Variants in DISP1 observed in about 807,000 individuals in gnomAD.
The protein encoded by DISP1 is protein dispatched homolog 1.
DISP1 carries 30 observed loss-of-function variants against 37.3 expected under a neutral mutation model. The ratio of observed to expected loss-of-function variants is 0.80; its 90% confidence interval spans 0.60 to 1.09. DISP1 has a LOEUF of 1.09. Ranked by LOEUF, DISP1 falls within the 50% of genes least tolerant of loss-of-function variation. The pLI is 0.00. For missense variants in DISP1, 1,598 were observed against 1,879.5 expected, an observed-to-expected ratio of 0.85 and a Z score of 2.77; for synonymous variants, 634 against 690.2, an observed-to-expected ratio of 0.92 and a Z score of 1.28.
chr1:222,843,833 C>A (rs143568831), intron 1 of DISP1, among the ~76,000 whole-genome samples: 2 of 152,224 alleles, frequency 1.3e-5, no homozygotes, highest in Non-Finnish European at 2.9e-5. Flanking sequence ...AAACAGATAA[C>A]ATTCCACAGG....
chr1:222,959,148 A>G (rs902774639), intron 3 of DISP1, among the ~76,000 whole-genome samples: 2 of 152,220 alleles, frequency 1.3e-5, no homozygotes, highest in African/African-American at 2.4e-5. Flanking sequence ...CTGAGTATAA[A>G]GAATTTTTTA....
intron 1 of DISP1, among the ~76,000 whole-genome samples, chr1:222,918,816 G>A (rs1347616844): frequency 1.3e-5 from 2 of 152,202 alleles, no homozygotes; most frequent in Non-Finnish European, 2.9e-5. Flanking sequence ...GTTTTACCCC[G>A]GGGTAATTAA....
chr1:222,835,923 C>A (rs36133935), intron 1 of DISP1, among the ~76,000 whole-genome samples: 10,602 of 149,798 alleles, frequency 0.071, 484 homozygotes, highest in South Asian at 0.15. Flanking sequence ...TCACTGCACT[C>A]CAGCCTGGCA....
intron 1 of DISP1, among the ~76,000 whole-genome samples, chr1:222,911,653 G>A (rs996327765): frequency 6.6e-6 from 1 of 152,000 alleles, no homozygotes; most frequent in Non-Finnish European, 1.5e-5. Context: ...CCAAATAGCT[G>A]AGCCTATAAG....
chr1:222,903,602 G>A (rs1052696789), intron 1 of DISP1, among the ~76,000 whole-genome samples: 4 of 151,914 alleles, frequency 2.6e-5, no homozygotes, highest in Non-Finnish European at 5.9e-5. Flanking sequence ...CTTTCCCTTT[G>A]TGATGAGAGG....
At chr1:223,001,353 T>G (rs1245281067) in intron 8 of DISP1, among the ~76,000 whole-genome samples, 1 of 152,236 alleles carries the variant, frequency 6.6e-6, no homozygotes, top group Non-Finnish European at 1.5e-5. Context: ...CTTAGGCATT[T>G]ATTTTATTGT....
intron 8 of DISP1, among the ~76,000 whole-genome samples, chr1:222,999,121 C>G (rs993976291): frequency 1.1e-4 from 16 of 152,052 alleles, no homozygotes; most frequent in African/African-American, 3.9e-4. Flanking sequence ...TTCTTTTTCT[C>G]TCTTCTCTTA....
At chr1:222,996,068 C>A (rs1283050367) in intron 8 of DISP1, among the ~76,000 whole-genome samples, 1 of 152,172 alleles carries the variant, frequency 6.6e-6, no homozygotes, top group African/African-American at 2.4e-5. Context: ...AAATGACTTT[C>A]CAATCGACTG....
At chr1:222,936,749 T>TATATAATATATATA (rs1673800992) in intron 2 of DISP1, among the ~76,000 whole-genome samples, 1 of 73,004 alleles carries the variant, frequency 1.4e-5, no homozygotes, top group African/African-American at 5.2e-5. Flanking sequence ...TTATATATCA[T>TATATAATATATATA]ATATATGATA....
chr1:222,827,404 A>T (rs535719049), intron 1 of DISP1: 2 of 152,190 alleles, frequency 1.3e-5, no homozygotes, highest in Admixed American at 6.5e-5. Context: ...ATTGAATTAA[A>T]TTTTTCACTT....
chr1:222,848,607 C>T (rs187797330), intron 1 of DISP1, among the ~76,000 whole-genome samples: 122 of 152,216 alleles, frequency 8.0e-4, no homozygotes, highest in Non-Finnish European at 1.2e-3. Flanking sequence ...ATTGCAGGCT[C>T]TTTGAGGGCA....
In DISP1 at chr1:223,005,379, C is replaced by T; in HGVS notation, c.3982C>T (p.Pro1328Ser). 3 of 1,613,390 alleles carry T rather than the reference C, an allele frequency of 1.9e-6. No individual in the cohort carries two copies. Among genetic ancestry groups the T allele is most frequent in the Non-Finnish European group, 1.7e-6 (2 of 1,180,012 alleles). Residue 1328 changes from proline to serine, a missense_variant, in exon 9 of 9, where the codon CCC (proline) becomes TCC (serine). By Grantham distance (74) the Pro-to-Ser change is moderately conservative (BLOSUM62 -1). Transcript: ENST00000675850. ...THQAVEGFVH[P>S]ITHIHHCPCL... ...CCAAGCTGTCGAGGGCTTTGTGCAC[C>T]CCATCACGCACATCCACCACTGTCC...
intron 1 of DISP1, among the ~76,000 whole-genome samples, chr1:222,890,779 C>A (rs954252661): frequency 2.0e-5 from 3 of 152,080 alleles, no homozygotes; most frequent in Non-Finnish European, 4.4e-5. Flanking sequence ...TGTTCCATGC[C>A]TCTCTCTTAT....
At chr1:222,816,104 A>AT in intron 1 of DISP1, among the ~76,000 whole-genome samples, 2 of 130,540 alleles carry the variant, frequency 1.5e-5, no homozygotes, top group Admixed American at 7.8e-5. Flanking sequence ...TATATATATA[A>AT]ATATTTGCCA....
At chr1:222,957,122 C>T (rs905173337) in intron 3 of DISP1, among the ~76,000 whole-genome samples, 1 of 124,864 alleles carries the variant, frequency 8.0e-6, no homozygotes, top group Non-Finnish European at 1.6e-5. Flanking sequence ...TCTAATTGCT[C>T]TAAACTATTT....
At chr1:222,981,559 AC>A (rs751001223) in intron 3 of DISP1, among the ~76,000 whole-genome samples, 2 of 152,144 alleles carry the variant, frequency 1.3e-5, no homozygotes, top group Admixed American at 1.3e-4. Flanking sequence ...GTAGTTGGGA[AC>A]CCTGTTTGTC....
chr1:222,905,742 T>G (rs539228880), intron 1 of DISP1, among the ~76,000 whole-genome samples: 2 of 152,294 alleles, frequency 1.3e-5, no homozygotes, highest in African/African-American at 4.8e-5. Flanking sequence ...ATTAATAAAT[T>G]TTATTTATTC....
intron 4 of DISP1, chr1:222,989,656 G>A: frequency 1.4e-6 from 1 of 730,056 alleles, no homozygotes; most frequent in Non-Finnish European, 1.7e-6. Flanking sequence ...ACAAGCATCA[G>A]ATGTTTGTTC....
chr1:222,915,782 G>A (rs80162998), intron 1 of DISP1, among the ~76,000 whole-genome samples: 9,968 of 152,232 alleles, frequency 0.065, 491 homozygotes, highest in East Asian at 0.25. Flanking sequence ...TTAAGGCACA[G>A]GTTATCTTGT....
Sources: allele counts gnomAD v4.1 joint callset (sites outside exome capture counted in the v4.1 genomes callset), GRCh38; gene constraint gnomAD v4.1.1; transcripts MANE v1.5; gene names NCBI Gene and HGNC (gene_info 2026-07-23, HGNC 2026-07-21).